The following ZNF600 variants were observed in gnomAD, a reference collection of about 807,000 sequenced individuals.
ZNF600 encodes zinc finger protein KR-ZNF1.
In ZNF600, 4 loss-of-function variants were observed where a neutral mutation model predicts 7.3. That is an observed-to-expected ratio of 0.55 (90% CI 0.27 to 1.25). The LOEUF is 1.25. Among genes scored for constraint, ZNF600 ranks in the 50% most tolerant of loss-of-function variants. The pLI is 0.12. For synonymous variants in ZNF600, 290 were observed against 308.9 expected (o/e 0.94, Z 0.64); for missense variants, 911 against 922.1 (o/e 0.99, Z 0.16).
At chr19:52,815,688 G>T in the ZNF600 span, among the ~76,000 whole-genome samples, 5 of 145,404 alleles carry the variant, frequency 3.4e-5, 1 homozygote, top group African/African-American at 1.3e-4. Context: ...AGCTGGGTGT[G>T]GTGGCAGGTG....
At chr19:52,770,301 G>C (rs563625054) in intron 3 of ZNF600, among the ~76,000 whole-genome samples, 117 of 152,198 alleles carry the variant, frequency 7.7e-4, no homozygotes, top group African/African-American at 2.6e-3. Context: ...AAACAGCTGG[G>C]TATGGTGGCA....
At chr19:52,812,279 T>C in the ZNF600 span, among the ~76,000 whole-genome samples, 5 of 139,702 alleles carry the variant, frequency 3.6e-5, no homozygotes, top group Non-Finnish European at 7.4e-5. Flanking sequence ...CAGCGGCTCA[T>C]TGAGAACGGG....
At chr19:52,800,004 T>C in the ZNF600 span, 472 of 1,614,184 alleles carry the variant, frequency 2.9e-4, 2 homozygotes, top group South Asian at 4.9e-3. Context: ...ACGGAAGGTC[T>C]TGCCACACTC....
chr19:52,807,576 G>C, the ZNF600 span, among the ~76,000 whole-genome samples: 2 of 152,202 alleles, frequency 1.3e-5, no homozygotes, highest in African/African-American at 4.8e-5. Flanking sequence ...CTGGGTTCAA[G>C]TAATTCTCTT....
At chr19:52,811,304 C>A in the ZNF600 span, among the ~76,000 whole-genome samples, 1 of 150,950 alleles carries the variant, frequency 6.6e-6, no homozygotes, top group Non-Finnish European at 1.5e-5. Flanking sequence ...AGCCTCTGCC[C>A]GGCCGCCACC....
At chr19:52,809,912 C>CG in the ZNF600 span, 2 of 836,512 alleles carry the variant, frequency 2.4e-6, no homozygotes, top group African/African-American at 1.7e-5. Context: ...ATCTTGTGCC[C>CG]GGGGCCGGTG....
chr19:52,818,304 C>G, the ZNF600 span, among the ~76,000 whole-genome samples: 39 of 152,150 alleles, frequency 2.6e-4, no homozygotes, highest in African/African-American at 7.2e-5. Flanking sequence ...TATGGTGGTG[C>G]GCATCTGTGT....
the ZNF600 span, among the ~76,000 whole-genome samples, chr19:52,802,631 C>T: frequency 2.1e-3 from 319 of 150,898 alleles, no homozygotes; most frequent in African/African-American, 7.4e-3. Flanking sequence ...GAGTTGAGAT[C>T]GCACCACTGC....
chr19:52,806,645 C>T, the ZNF600 span, among the ~76,000 whole-genome samples: 9 of 147,690 alleles, frequency 6.1e-5, no homozygotes, highest in African/African-American at 2.3e-4. Context: ...CTCATGCCTA[C>T]GGTCCCAGTG....
chr19:52,783,199 C>G (rs1045639952), intron 1 of ZNF600, among the ~76,000 whole-genome samples: 1 of 152,018 alleles, frequency 6.6e-6, no homozygotes, highest in Non-Finnish European at 1.5e-5. Context: ...AGTTTGGCAA[C>G]TCTCATTCTC....
At chr19:52,822,274 G>A in the ZNF600 span, among the ~76,000 whole-genome samples, 1 of 151,902 alleles carries the variant, frequency 6.6e-6, no homozygotes, top group Non-Finnish European at 1.5e-5. Context: ...ATTTCGCCAT[G>A]TTGGACAGGC....
chr19:52,769,294 A>G (rs1456377072), intron 3 of ZNF600, among the ~76,000 whole-genome samples: 3 of 152,154 alleles, frequency 2.0e-5, no homozygotes, highest in African/African-American at 7.2e-5. Flanking sequence ...GCTGTGCTTC[A>G]GTGGTCACGC....
chr19:52,774,082 T>C (rs111736211), intron 3 of ZNF600, among the ~76,000 whole-genome samples: 10,203 of 151,824 alleles, frequency 0.067, 913 homozygotes, highest in African/African-American at 0.2. Flanking sequence ...CAGATAAATA[T>C]ATGAACAAAA....
chr19:52,767,674 G>T (rs774682753), exon 4 of ZNF600: 3 of 1,614,072 alleles, frequency 1.9e-6, no homozygotes, highest in Non-Finnish European at 2.5e-6. Context: ...TCTCCAATGT[G>T]ATAACTTTGA....
At chr19:52,800,495 T>A in the ZNF600 span, 1 of 1,613,646 alleles carries the variant, frequency 6.2e-7, no homozygotes, top group Non-Finnish European at 8.5e-7. Flanking sequence ...GAGTTGATTG[T>A]TGATTAAAAA....
At chr19:52,782,729 G>A (rs936110937) in intron 1 of ZNF600, among the ~76,000 whole-genome samples, 1 of 151,984 alleles carries the variant, frequency 6.6e-6, no homozygotes, top group African/African-American at 2.4e-5. Context: ...AAAATCGACA[G>A]GACAGGTGTG....
chr19:52,765,791 T>A (rs1568622621), exon 4 of ZNF600: 1 of 1,613,954 alleles, frequency 6.2e-7, no homozygotes, highest in Admixed American at 1.7e-5. Context: ...TTCTCCTATG[T>A]CTTTTAAGGT....
the ZNF600 span, among the ~76,000 whole-genome samples, chr19:52,822,490 C>T: frequency 4.9e-3 from 743 of 152,278 alleles, 7 homozygotes; most frequent in African/African-American, 0.017. Flanking sequence ...AAGAACTATT[C>T]TATTAATGAA....
At chr19:52,774,494 A>T in intron 3 of ZNF600, 81 bp downstream of exon 5, 1 of 983,298 alleles carries the variant, frequency 1.0e-6, no homozygotes, top group Non-Finnish European at 1.2e-6. Context: ...GGGCAAAATC[A>T]CAAAAGAGAA....
Sources: gnomAD v4.1 joint callset for allele counts (sites outside exome capture counted in the v4.1 genomes callset) on GRCh38, gnomAD v4.1.1 for gene constraint, MANE v1.5 for transcripts, NCBI Gene and HGNC (gene_info 2026-07-23, HGNC 2026-07-21) for gene names.